MPP7: variants seen among roughly 807,000 people sequenced by gnomAD.
MPP7 encodes the protein MAGUK p55 subfamily member 7.
Under a neutral mutation model 76.5 loss-of-function variants are expected in MPP7, and 60 were observed. The ratio of observed to expected loss-of-function variants is 0.78; its 90% CI spans 0.64 to 0.97. The LOEUF (loss-of-function observed/expected upper bound fraction) is 0.97. Among genes scored for constraint, MPP7 ranks in the 50% least tolerant of loss-of-function variants. The probability of loss-of-function intolerance (pLI) is 0.00; values close to 1 mark genes in which losing one functional copy is unlikely to be tolerated. For missense variants in MPP7, 641 were observed against 694.0 expected (o/e 0.92, Z 0.86); for synonymous variants, 237 against 244.5 (o/e 0.97, Z 0.29).
chr10:28,095,222 T>TATATATATAC (rs775763967), intron 11 of MPP7, among the ~76,000 whole-genome samples: 156 of 136,694 alleles, frequency 1.1e-3, no homozygotes, highest in African/African-American at 3.3e-3. Flanking sequence ...TATATATATA[T>TATATATATAC]ACAGAAACAT....
chr10:28,248,579 C>T (rs1033415327), intron 1 of MPP7, among the ~76,000 whole-genome samples: 2 of 152,124 alleles, frequency 1.3e-5, no homozygotes, highest in Admixed American at 6.5e-5. Flanking sequence ...ATGAGCTATG[C>T]GTATTTCACT....
intron 15 of MPP7, among the ~76,000 whole-genome samples, chr10:28,057,077 A>C (rs1201311300): frequency 6.6e-6 from 1 of 152,118 alleles, no homozygotes; most frequent in Admixed American, 6.5e-5. Flanking sequence ...CCTTCATCAA[A>C]TCTTTGATGT....
chr10:28,286,176 C>T (rs907871695), intron 1 of MPP7, among the ~76,000 whole-genome samples: 5 of 151,902 alleles, frequency 3.3e-5, no homozygotes, highest in Non-Finnish European at 7.4e-5. Flanking sequence ...AACCTCGTCT[C>T]TACTAAAAAT....
At chr10:28,109,104 A>G (rs922958405) in intron 11 of MPP7, among the ~76,000 whole-genome samples, 1 of 152,316 alleles carries the variant, frequency 6.6e-6, no homozygotes, top group South Asian at 2.1e-4. Context: ...CCTGGCCAAC[A>G]TGGCGAAACC....
At chr10:28,197,307 C>A (rs1277046097) in intron 3 of MPP7, among the ~76,000 whole-genome samples, 1 of 151,818 alleles carries the variant, frequency 6.6e-6, no homozygotes, top group Non-Finnish European at 1.5e-5. Flanking sequence ...CTCAGCCTCC[C>A]AAGCAGCTGG....
At chr10:28,106,103 A>T (rs938488694) in intron 11 of MPP7, among the ~76,000 whole-genome samples, 1 of 152,186 alleles carries the variant, frequency 6.6e-6, no homozygotes, top group African/African-American at 2.4e-5. Context: ...TTTCCAAAGA[A>T]ATAATTTTGC....
intron 2 of MPP7, among the ~76,000 whole-genome samples, chr10:28,238,012 G>C (rs1420231546): frequency 6.6e-6 from 1 of 151,708 alleles, no homozygotes; most frequent in Non-Finnish European, 1.5e-5. Context: ...CCTATTCTAG[G>C]TATCTCAAAG....
intron 11 of MPP7, among the ~76,000 whole-genome samples, chr10:28,105,613 T>G (rs1192752007): frequency 6.6e-6 from 1 of 152,148 alleles, no homozygotes; most frequent in Non-Finnish European, 1.5e-5. Context: ...ATTCAAGCAA[T>G]CCTCCTGCCT....
intron 3 of MPP7, among the ~76,000 whole-genome samples, chr10:28,196,949 T>C (rs1176386553): frequency 6.6e-6 from 1 of 152,146 alleles, no homozygotes; most frequent in Non-Finnish European, 1.5e-5. Flanking sequence ...AGAAAGCCCA[T>C]TTACCTTCTG....
At chr10:28,294,008 C>T (rs1840982620) in intron 1 of MPP7, among the ~76,000 whole-genome samples, 1 of 152,072 alleles carries the variant, frequency 6.6e-6, no homozygotes, top group South Asian at 2.1e-4. Flanking sequence ...GATGAGATCC[C>T]AAAGAATTGC....
At position 28,058,613 on chromosome 10, in the gene MPP7, A is replaced by G. The variant is rs1851654740; in HGVS notation, c.1299-10T>C. The G allele has an allele frequency of 1.4e-6, 2 of 1,383,730 alleles. 1 individual carries two copies. Among genetic ancestry groups the G allele is most frequent in the South Asian group, 2.6e-5 (2 of 76,694 alleles). The allele number at this position is 1,383,730 out of a possible 1,614,324, so 85.7% of individuals were successfully genotyped here. A position where few individuals can be genotyped will look rare whatever the true frequency, so the allele number is the denominator to read the frequency against. The stretch of plus-strand genomic sequence containing the variant: ...TCCATATTCAATAAACCTGTAAAAA[A>G]TTAAATGCATTGGAATCATTTGTGA... On this transcript the variant is annotated splice_polypyrimidine_tract_variant and intron_variant, in intron 14 of 16. Transcript: ENST00000683449.
chr10:28,220,612 A>G, intron 2 of MPP7, among the ~76,000 whole-genome samples: 1 of 152,158 alleles, frequency 6.6e-6, no homozygotes. Flanking sequence ...GCCAGCATTC[A>G]TTGTATTAAG....
intron 3 of MPP7, among the ~76,000 whole-genome samples, chr10:28,193,208 G>GTTTTTTTTTTTTTTTTTTTTT (rs1564691376): frequency 7.1e-6 from 1 of 140,546 alleles, no homozygotes; most frequent in African/African-American, 2.9e-5. Flanking sequence ...TGTTTGGTTG[G>GTTTTTTTTTTTTTTTTTTTTT]TTTTTTGTTT....
intron 2 of MPP7, among the ~76,000 whole-genome samples, chr10:28,234,294 T>A (rs537067430): frequency 1.3e-5 from 2 of 152,298 alleles, no homozygotes; most frequent in Admixed American, 1.3e-4. Context: ...AAAGTAGTCA[T>A]GGCTTATAAC....
At chr10:28,183,904 CAGAA>C (rs1189028198) in intron 3 of MPP7, among the ~76,000 whole-genome samples, 2 of 152,066 alleles carry the variant, frequency 1.3e-5, no homozygotes, top group African/African-American at 2.4e-5. Context: ...ACACAGCTAA[CAGAA>C]AGAAAGAAAT....
chr10:28,192,290 A>T (rs1837436897), intron 3 of MPP7, among the ~76,000 whole-genome samples: 1 of 152,186 alleles, frequency 6.6e-6, no homozygotes, highest in African/African-American at 2.4e-5. Flanking sequence ...AGCTAATGCT[A>T]TAAGACAAAA....
intron 2 of MPP7, among the ~76,000 whole-genome samples, chr10:28,312,902 C>G (rs1325861808): frequency 6.6e-6 from 1 of 152,146 alleles, no homozygotes; most frequent in Non-Finnish European, 1.5e-5. Flanking sequence ...CCTTGTTCCA[C>G]GTTGAAGATT....
At chr10:28,081,805 C>T (rs546928305) in intron 12 of MPP7, among the ~76,000 whole-genome samples, 13 of 149,296 alleles carry the variant, frequency 8.7e-5, no homozygotes, top group African/African-American at 3.3e-4. Context: ...TGCTCTGTCA[C>T]TCAGTGGCAC....
chr10:28,107,642 G>A (rs753341887), intron 11 of MPP7, among the ~76,000 whole-genome samples: 1 of 152,114 alleles, frequency 6.6e-6, no homozygotes, highest in Non-Finnish European at 1.5e-5. Context: ...TTCTTTTGCT[G>A]TTCTCTGGAA....
Sources: gnomAD v4.1 joint callset for allele counts (sites outside exome capture counted in the v4.1 genomes callset) on GRCh38, gnomAD v4.1.1 for gene constraint, MANE v1.5 for transcripts, NCBI Gene and HGNC (gene_info 2026-07-23, HGNC 2026-07-21) for gene names.